Variants in ABCD2 observed in about 807,000 individuals in gnomAD.
ABCD2 encodes the protein ATP binding cassette subfamily D member 2.
ABCD2 carries 36 observed loss-of-function variants against 70.9 expected under a neutral mutation model. The ratio of observed to expected loss-of-function variants is 0.51; its 90% CI spans 0.39 to 0.67. ABCD2 has a LOEUF of 0.67. Among genes scored for constraint, ABCD2 ranks in the 30% least tolerant of loss-of-function variants. The pLI is 0.00. For synonymous variants in ABCD2, 304 were observed against 306.9 expected, an observed-to-expected ratio of 0.99 and a Z score of 0.10; for missense variants, 729 against 890.2, an observed-to-expected ratio of 0.82 and a Z score of 2.30.
At chr12:39,611,216 C>T (rs1196016721) in intron 2 of ABCD2, among the ~76,000 whole-genome samples, 1 of 151,902 alleles carries the variant, frequency 6.6e-6, no homozygotes, top group Non-Finnish European at 1.5e-5. Context: ...AGAGTGAAGC[C>T]TAATGTAAAT....
At chr12:39,582,243 C>T (rs1412432171) in intron 7 of ABCD2, among the ~76,000 whole-genome samples, 3 of 152,102 alleles carry the variant, frequency 2.0e-5, no homozygotes, top group Admixed American at 6.5e-5. Context: ...GGCATACCCT[C>T]GCATAGAACA....
the ABCD2 span, among the ~76,000 whole-genome samples, chr12:39,542,722 T>C: frequency 6.6e-6 from 1 of 152,080 alleles, no homozygotes; most frequent in African/African-American, 2.4e-5. Context: ...CTGAATTAGG[T>C]AGGCAAATAG....
the ABCD2 span, among the ~76,000 whole-genome samples, chr12:39,540,140 T>A: frequency 1.3e-5 from 2 of 152,192 alleles, no homozygotes; most frequent in Non-Finnish European, 2.9e-5. Flanking sequence ...TTTTTAATAA[T>A]CCCCTTAGAA....
chr12:39,599,704 C>T (rs577229480), intron 6 of ABCD2, among the ~76,000 whole-genome samples: 1 of 152,282 alleles, frequency 6.6e-6, no homozygotes, highest in African/African-American at 2.4e-5. Context: ...TTGTACAGTA[C>T]ATTCAGGCAA....
At chr12:39,576,295 G>A (rs1336041678) in intron 8 of ABCD2, among the ~76,000 whole-genome samples, 1 of 152,112 alleles carries the variant, frequency 6.6e-6, no homozygotes, top group Non-Finnish European at 1.5e-5. Flanking sequence ...GAGTAGCTGG[G>A]ACTATAGGCG....
chr12:39,547,798 A>T (rs1011723307), downstream of ABCD2, among the ~76,000 whole-genome samples: 1 of 152,142 alleles, frequency 6.6e-6, no homozygotes, highest in African/African-American at 2.4e-5. Context: ...GGTAAATTTT[A>T]TGTTATGTGT....
chr12:39,558,864 A>G (rs141646046), intron 9 of ABCD2, among the ~76,000 whole-genome samples: 1 of 152,208 alleles, frequency 6.6e-6, no homozygotes, highest in Non-Finnish European at 1.5e-5. Context: ...GAGAAATGCA[A>G]CAGATATGAA....
At chr12:39,584,699 G>A (rs958393191) in intron 7 of ABCD2, among the ~76,000 whole-genome samples, 1 of 152,106 alleles carries the variant, frequency 6.6e-6, no homozygotes, top group African/African-American at 2.4e-5. Flanking sequence ...TTTGTATATG[G>A]TATAAAGAAG....
At chr12:39,563,434 A>G (rs1330791096) in intron 9 of ABCD2, among the ~76,000 whole-genome samples, 1 of 152,148 alleles carries the variant, frequency 6.6e-6, no homozygotes, top group Non-Finnish European at 1.5e-5. Context: ...TCTGTAAGAT[A>G]CGGAACAAGG....
chr12:39,583,896 TCTACCACACTTTCTTTA>T (rs1190850659), intron 7 of ABCD2, among the ~76,000 whole-genome samples: 1 of 152,236 alleles, frequency 6.6e-6, no homozygotes, highest in Non-Finnish European at 1.5e-5. Context: ...ATGGTGGACC[TCTACCACACTTTCTTTA>T]TCTAATCTGT....
the ABCD2 span, among the ~76,000 whole-genome samples, chr12:39,541,478 A>C: frequency 6.6e-6 from 1 of 152,222 alleles, no homozygotes; most frequent in Non-Finnish European, 1.5e-5. Flanking sequence ...GAAGCACAGA[A>C]AGTGTGCTTC....
rs1303353092 is a variant in ABCD2, at chr12:39,578,739, C to T, written c.1877+796G>A. Among the ~76,000 whole-genome samples the T allele has an allele frequency of 2.0e-5, 3 of 151,804 alleles. No individual in the cohort carries two copies. The East Asian group carries it at 5.9e-4, about 30-fold the overall frequency. On this transcript the variant is annotated intron_variant, in intron 8 of 9. Coordinates refer to ENST00000308666, the MANE Select transcript of ABCD2 (RefSeq NM_005164.4). ...TTAATTTTTCTCAATCCATTGAAAC[C>T]TACGCAGAATGGTCCCTTTTTCCAT...
In ABCD2 at chr12:39,618,598, G is replaced by A. The variant is rs966652308; in HGVS notation, c.939+79C>T. On this transcript the variant is annotated intron_variant, in intron 1 of 9. Coordinates refer to ENST00000308666, the MANE Select transcript of ABCD2 (RefSeq NM_005164.4). Reference sequence around the variant, plus strand: ...ACTAAAGAAGTGGGTCCATCGACAGGACAACAGATGGTATCTGGCACTGCA... The same window carrying A: ...ACTAAAGAAGTGGGTCCATCGACAGAACAACAGATGGTATCTGGCACTGCA... 6.0e-6 allele frequency: 8 copies of A among 1,341,148 alleles called. No individual in the cohort carries two copies. The Admixed American group carries it at 7.9e-5, about 13-fold the overall frequency. The allele number at this position is 1,341,148 out of a possible 1,614,324, so 83.1% of individuals were successfully genotyped here. A position where few individuals can be genotyped will look rare whatever the true frequency, so the allele number is the denominator to read the frequency against.
At chr12:39,600,371 G>GA (rs1202545593) in intron 6 of ABCD2, among the ~76,000 whole-genome samples, 200 bp downstream of exon 6, 1 of 151,822 alleles carries the variant, frequency 6.6e-6, no homozygotes, top group Non-Finnish European at 1.5e-5. Context: ...ATGTGAAAAT[G>GA]AAAAAAAGTG....
intron 9 of ABCD2, among the ~76,000 whole-genome samples, chr12:39,564,494 A>C (rs1384772683): frequency 6.6e-6 from 1 of 151,890 alleles, no homozygotes; most frequent in Non-Finnish European, 1.5e-5. Flanking sequence ...TTTTCTTGTA[A>C]ATTTGTTGGA....
chr12:39,589,545 G>A (rs528902506), intron 6 of ABCD2, among the ~76,000 whole-genome samples: 1 of 151,920 alleles, frequency 6.6e-6, no homozygotes, highest in South Asian at 2.1e-4. Flanking sequence ...CTGTCACCAC[G>A]CCTGGCTAAT....
the ABCD2 span, among the ~76,000 whole-genome samples, chr12:39,535,938 T>C: frequency 6.6e-6 from 1 of 152,104 alleles, no homozygotes; most frequent in East Asian, 1.9e-4. Context: ...AGGTCAGCAG[T>C]TTGAGACCAG....
chr12:39,538,751 G>C, the ABCD2 span, among the ~76,000 whole-genome samples: 1 of 152,232 alleles, frequency 6.6e-6, no homozygotes, highest in Non-Finnish European at 1.5e-5. Flanking sequence ...CGTCAACAGG[G>C]TGCGTCAGCA....
Position 39,550,612 on chromosome 12 carries a change from C to T in ABCD2, c.*3300G>A, listed in dbSNP as rs1463698776. On this transcript the variant is annotated 3_prime_UTR_variant, in exon 10 of 10. Coordinates refer to ENST00000308666, the MANE Select transcript of ABCD2 (RefSeq NM_005164.4). Reference sequence around the variant, plus strand: ...AATATTTTATACATCCACCTGAAGGCGCTCATGTGGCAAAACATATTCAAC... The same window carrying T: ...AATATTTTATACATCCACCTGAAGGTGCTCATGTGGCAAAACATATTCAAC... 2.0e-5 allele frequency: 3 copies of T among 151,642 alleles called. No individual in the cohort carries two copies. Among genetic ancestry groups the T allele is most frequent in the Admixed American group, 6.6e-5 (1 of 15,180 alleles). 9.4% of individuals were successfully genotyped at this position (151,642 alleles called of 1,614,324 possible). A position where few individuals can be genotyped will look rare whatever the true frequency, so the allele number is the denominator to read the frequency against.
Sources: allele counts gnomAD v4.1 joint callset (sites outside exome capture counted in the v4.1 genomes callset), GRCh38; gene constraint gnomAD v4.1.1; transcripts MANE v1.5; gene names NCBI Gene and HGNC (gene_info 2026-07-23, HGNC 2026-07-21).